BCAS3: variants seen among roughly 807,000 people sequenced by gnomAD.
BCAS3 encodes the protein BCAS4/BCAS3 fusion.
In BCAS3, 53 loss-of-function variants were observed where a neutral mutation model predicts 116.1. That is an observed-to-expected ratio of 0.46 (90% CI 0.37 to 0.57). The LOEUF is 0.57. Ranked by LOEUF, BCAS3 falls within the 20% of genes least tolerant of loss-of-function variation. The pLI, the probability that BCAS3 is intolerant of heterozygous loss-of-function variation, is 0.00. For synonymous variants in BCAS3, 391 were observed against 408.2 expected (o/e 0.96, Z 0.51); for missense variants, 917 against 1,165.4 (o/e 0.79, Z 3.10).
intron 13 of BCAS3, among the ~76,000 whole-genome samples, chr17:60,936,703 GTTGT>G (rs1463915829): frequency 2.6e-5 from 4 of 152,102 alleles, no homozygotes; most frequent in East Asian, 1.9e-4. Flanking sequence ...TTTTGATGGG[GTTGT>G]TTGTTTTTTT....
intron 22 of BCAS3, among the ~76,000 whole-genome samples, chr17:61,202,667 T>C (rs1248290250): frequency 2.0e-5 from 3 of 152,214 alleles, no homozygotes; most frequent in Admixed American, 1.3e-4. Flanking sequence ...GTTAATATTT[T>C]ACAAAGAAAA....
chr17:60,722,834 G>A (rs951616695), intron 5 of BCAS3, among the ~76,000 whole-genome samples: 2 of 152,010 alleles, frequency 1.3e-5, no homozygotes, highest in Non-Finnish European at 2.9e-5. Flanking sequence ...TTGGGAGGAG[G>A]TGGGAGGATC....
intron 4 of BCAS3, among the ~76,000 whole-genome samples, chr17:60,700,288 G>A (rs1460333811): frequency 1.3e-5 from 2 of 152,172 alleles, no homozygotes; most frequent in Non-Finnish European, 2.9e-5. Flanking sequence ...GGTGGTGGTG[G>A]TGTAAGAGGA....
chr17:61,014,967 A>G (rs764489405), intron 15 of BCAS3, among the ~76,000 whole-genome samples: 1 of 152,230 alleles, frequency 6.6e-6, no homozygotes. Flanking sequence ...CTACAAAACA[A>G]CATTGAAAGA....
intron 11 of BCAS3, among the ~76,000 whole-genome samples, chr17:60,904,281 G>A (rs931824795): frequency 6.6e-6 from 1 of 152,096 alleles, no homozygotes; most frequent in Non-Finnish European, 1.5e-5. Flanking sequence ...GCGGGTGCCT[G>A]TAGTCCCAGC....
chr17:60,934,779 T>C (rs1322957700), intron 13 of BCAS3, among the ~76,000 whole-genome samples: 1 of 152,182 alleles, frequency 6.6e-6, no homozygotes, highest in Admixed American at 6.5e-5. Flanking sequence ...AGAGATTTAT[T>C]ATATATAGTA....
intron 19 of BCAS3, among the ~76,000 whole-genome samples, chr17:61,049,033 G>A (rs2068598644): frequency 6.6e-6 from 1 of 152,012 alleles, no homozygotes; most frequent in African/African-American, 2.4e-5. Flanking sequence ...ATTATAAATT[G>A]CAGAAAAGTA....
chr17:61,044,814 C>T (rs2067896616), intron 19 of BCAS3, among the ~76,000 whole-genome samples: 1 of 150,798 alleles, frequency 6.6e-6, no homozygotes, highest in African/African-American at 2.4e-5. Flanking sequence ...GCTCTGTTGC[C>T]AGGCTGGAGT....
intron 22 of BCAS3, among the ~76,000 whole-genome samples, chr17:61,154,571 G>C (rs113036850): frequency 0.016 from 2,498 of 151,904 alleles, 76 homozygotes; most frequent in African/African-American, 0.058. Context: ...CAGTGGCTGG[G>C]ACCACAGTGT....
chr17:61,284,575 A>G (rs2051559462), intron 22 of BCAS3, among the ~76,000 whole-genome samples: 1 of 151,950 alleles, frequency 6.6e-6, no homozygotes, highest in Non-Finnish European at 1.5e-5. Flanking sequence ...TCCAGACACA[A>G]TCTGAAGACT....
intron 6 of BCAS3, among the ~76,000 whole-genome samples, chr17:60,789,131 C>T (rs2046535480): frequency 6.6e-6 from 1 of 152,164 alleles, no homozygotes; most frequent in East Asian, 1.9e-4. Context: ...TGATTAGTTT[C>T]AGCATACTTT....
chr17:60,937,440 C>T (rs1172762688), intron 13 of BCAS3, among the ~76,000 whole-genome samples: 1 of 152,040 alleles, frequency 6.6e-6, no homozygotes, highest in Non-Finnish European at 1.5e-5. Flanking sequence ...TTTTGTCTGT[C>T]TTCATTTTTA....
intron 6 of BCAS3, among the ~76,000 whole-genome samples, chr17:60,748,295 C>A (rs1400926004): frequency 6.6e-6 from 1 of 152,152 alleles, no homozygotes; most frequent in African/African-American, 2.4e-5. Context: ...GTGGAGGAAA[C>A]AAGCAACAGT....
intron 14 of BCAS3, among the ~76,000 whole-genome samples, chr17:60,981,840 T>C (rs2062834109): frequency 6.6e-6 from 1 of 152,220 alleles, no homozygotes; most frequent in East Asian, 1.9e-4. Context: ...CCATATAGCT[T>C]GTAAGTAGTA....
chr17:61,121,090 T>G (rs1003079854), intron 22 of BCAS3, among the ~76,000 whole-genome samples: 4 of 152,154 alleles, frequency 2.6e-5, no homozygotes, highest in Admixed American at 2.6e-4. Flanking sequence ...AAATATTTCA[T>G]GATTTTTGTA....
At chr17:61,299,508 G>T (rs2053262054) in intron 22 of BCAS3, among the ~76,000 whole-genome samples, 2 of 151,228 alleles carry the variant, frequency 1.3e-5, no homozygotes, top group African/African-American at 4.9e-5. Context: ...TTGGGATAAG[G>T]CGTTTAAATA....
rs750771785 is a variant in BCAS3 at position 61,026,912 on chromosome 17, T to C, written c.1638-7754T>C. On this transcript the variant is annotated intron_variant, in intron 16 of 23. Coordinates refer to ENST00000407086, the MANE Select transcript of BCAS3 (RefSeq NM_017679.5). The surrounding 1 kb of genome is among the most constrained non-coding windows in gnomAD (Gnocchi z 5.0). ...GTGTTTTTCCATAAAAGCCCCATGG[T>C]GAGTTCCAGTTCAGTCCCGCATGCC... The C allele has an allele frequency of 6.2e-7, 1 of 1,600,540 alleles. No homozygotes were observed. The highest frequency in any genetic ancestry group is 8.5e-7 in the Non-Finnish European group (1 of 1,172,590).
At chr17:61,177,796 A>G (rs1320892909) in intron 22 of BCAS3, among the ~76,000 whole-genome samples, 1 of 152,214 alleles carries the variant, frequency 6.6e-6, no homozygotes, top group Non-Finnish European at 1.5e-5. Flanking sequence ...GAGATTATGT[A>G]TACCAATTAA....
At chr17:60,810,387 G>A (rs1303791484) in intron 7 of BCAS3, 1 of 470,852 alleles carries the variant, frequency 2.1e-6, no homozygotes, top group African/African-American at 2.0e-5. Context: ...TGGCAGGACT[G>A]AGAGGCATCC....
Sources: gnomAD v4.1 joint callset for allele counts (sites outside exome capture counted in the v4.1 genomes callset) on GRCh38, gnomAD v4.1.1 for gene constraint, Gnocchi (gnomAD v3.1) non-coding constraint, MANE v1.5 for transcripts, NCBI Gene and HGNC (gene_info 2026-07-23, HGNC 2026-07-21) for gene names.